The following FANK1 variants were observed in gnomAD, a reference collection of about 807,000 sequenced individuals.
FANK1 encodes the protein fibronectin type III and ankyrin repeat domains 1.
A neutral mutation model predicts 45.3 loss-of-function variants in FANK1; 44 were observed. The ratio of observed to expected loss-of-function variants is 0.97; its 90% CI spans 0.76 to 1.25. The LOEUF (loss-of-function observed/expected upper bound fraction) is 1.25, where lower values mean the gene tolerates loss of function less well. Among genes scored for constraint, FANK1 ranks in the 50% most tolerant of loss-of-function variants. The pLI, the probability that FANK1 is intolerant of heterozygous loss-of-function variation, is 0.00. For synonymous variants in FANK1, 149 were observed against 152.5 expected (o/e 0.98, Z 0.17); for missense variants, 391 against 424.4 (o/e 0.92, Z 0.69).
At chr10:126,005,201 G>T (rs1181983674) in intron 7 of FANK1, 152 bp downstream of exon 7, 3 of 812,284 alleles carry the variant, frequency 3.7e-6, no homozygotes, top group African/African-American at 1.7e-5. Context: ...TGAAACCTTA[G>T]AATGGACATG....
chr10:125,963,127 G>T (rs1175463599), intron 1 of FANK1, among the ~76,000 whole-genome samples: 1 of 152,060 alleles, frequency 6.6e-6, no homozygotes, highest in Non-Finnish European at 1.5e-5. Flanking sequence ...GGGATTACAG[G>T]TGCCCACCAC....
At chr10:125,986,151 T>C (rs1414248789) in intron 2 of FANK1, among the ~76,000 whole-genome samples, 3 of 152,122 alleles carry the variant, frequency 2.0e-5, no homozygotes, top group Non-Finnish European at 4.4e-5. Context: ...TTGGCTTCTT[T>C]TAGGTGAAGA....
chr10:125,975,964 C>T (rs530187047), intron 1 of FANK1, among the ~76,000 whole-genome samples: 28 of 152,204 alleles, frequency 1.8e-4, no homozygotes, highest in African/African-American at 5.3e-4. Context: ...CAGCTGGTAG[C>T]GGTCTTTCCT....
chr10:125,899,381 A>G (rs1944853913), intron 1 of FANK1, among the ~76,000 whole-genome samples: 1 of 151,738 alleles, frequency 6.6e-6, no homozygotes. Context: ...TTTTAATTTT[A>G]TTTACTTTGA....
chr10:125,957,513 C>G (rs1215009283), intron 1 of FANK1, among the ~76,000 whole-genome samples: 1 of 151,752 alleles, frequency 6.6e-6, no homozygotes, highest in Non-Finnish European at 1.5e-5. Flanking sequence ...TTATGTTAAG[C>G]TTTTATTTTG....
chr10:125,996,543 T>C lies in FANK1; in HGVS notation c.399-7T>C, dbSNP rs1277764644. The C allele has an allele frequency of 3.7e-6, 6 of 1,614,042 alleles. No homozygotes were observed. The highest frequency in any genetic ancestry group is 5.1e-6 in the Non-Finnish European group (6 of 1,179,948). On this transcript the variant is annotated splice_polypyrimidine_tract_variant and splice_region_variant and intron_variant, in intron 4 of 10. Transcript: ENST00000368693. The stretch of plus-strand genomic sequence containing the variant: ...CATGTTTATCTCTTTTCTCTGCTTT[T>C]CCCAAGCCGTGTTAAGGTTGATGTT...
At chr10:125,938,088 G>A (rs183141894) in intron 1 of FANK1, among the ~76,000 whole-genome samples, 49 of 152,274 alleles carry the variant, frequency 3.2e-4, no homozygotes, top group Non-Finnish European at 6.6e-4. Context: ...GACACAGACC[G>A]TAAAGGCCTA....
intron 1 of FANK1, among the ~76,000 whole-genome samples, chr10:125,917,639 G>A (rs1161367221): frequency 6.6e-6 from 1 of 152,162 alleles, no homozygotes; most frequent in African/African-American, 2.4e-5. Flanking sequence ...CTTATATTAA[G>A]TAAATGTGTA....
At chr10:126,005,106 C>T in intron 7 of FANK1, 57 bp downstream of exon 7, 1 of 1,556,194 alleles carries the variant, frequency 6.4e-7, no homozygotes, top group Non-Finnish European at 8.7e-7. Context: ...AAATGCTGCT[C>T]CATGGGGTCT....
intron 3 of FANK1, among the ~76,000 whole-genome samples, chr10:125,992,836 T>A (rs1000345543): frequency 6.6e-6 from 1 of 151,904 alleles, no homozygotes; most frequent in Non-Finnish European, 1.5e-5. Flanking sequence ...AGTTAGCACG[T>A]TTTGGAAGAT....
At chr10:125,978,556 A>G (rs1478177803) in intron 1 of FANK1, among the ~76,000 whole-genome samples, 1 of 152,082 alleles carries the variant, frequency 6.6e-6, no homozygotes, top group African/African-American at 2.4e-5. Flanking sequence ...GGTCCTGCCC[A>G]GTGAGGGAAC....
intron 1 of FANK1, among the ~76,000 whole-genome samples, chr10:125,937,688 G>T (rs1315132704): frequency 1.3e-5 from 2 of 152,034 alleles, no homozygotes; most frequent in Non-Finnish European, 2.9e-5. Flanking sequence ...ACTGCAAAAG[G>T]TATAGCTAGA....
intron 2 of FANK1, among the ~76,000 whole-genome samples, chr10:125,986,670 A>C (rs1362559223): frequency 6.6e-6 from 1 of 152,130 alleles, no homozygotes; most frequent in Non-Finnish European, 1.5e-5. Context: ...CCTGTCTGTC[A>C]TGGAAGTCCT....
intron 1 of FANK1, among the ~76,000 whole-genome samples, chr10:125,932,042 T>C (rs572901154): frequency 1.8e-4 from 27 of 152,316 alleles, no homozygotes; most frequent in Non-Finnish European, 3.5e-4. Flanking sequence ...TTCTCTATTC[T>C]GTTTCATTGT....
chr10:125,948,891 C>A (rs796746418), intron 1 of FANK1, among the ~76,000 whole-genome samples: 68 of 148,408 alleles, frequency 4.6e-4, no homozygotes, highest in South Asian at 1.4e-3. Context: ...CAAAACGAAT[C>A]CAGCAGCACA....
chr10:125,915,401 C>A (rs1589831058), intron 1 of FANK1, among the ~76,000 whole-genome samples: 1 of 151,880 alleles, frequency 6.6e-6, no homozygotes, highest in African/African-American at 2.4e-5. Context: ...GTGGCTTTGC[C>A]ACATGGAGAA....
At chr10:125,991,185 G>A (rs73370582) in intron 3 of FANK1, among the ~76,000 whole-genome samples, 1,543 of 152,190 alleles carry the variant, frequency 0.01, 25 homozygotes, top group African/African-American at 0.033. Flanking sequence ...TCCTTACAGC[G>A]CCATGGCTTC....
At chr10:125,940,299 G>A (rs1280026379) in intron 1 of FANK1, among the ~76,000 whole-genome samples, 1 of 152,148 alleles carries the variant, frequency 6.6e-6, no homozygotes, top group African/African-American at 2.4e-5. Flanking sequence ...GAGGAATGTG[G>A]CAGGAGAACA....
intron 1 of FANK1, 53 bp from the exon 2 acceptor site, chr10:125,980,108 T>C (rs1951103340): frequency 3.2e-6 from 5 of 1,573,290 alleles, no homozygotes; most frequent in African/African-American, 1.4e-5. Context: ...TCGACTGGTC[T>C]CTCTTCCTTA....
Sources: gnomAD v4.1 joint callset for allele counts (sites outside exome capture counted in the v4.1 genomes callset) on GRCh38, gnomAD v4.1.1 for gene constraint, MANE v1.5 for transcripts, NCBI Gene and HGNC (gene_info 2026-07-23, HGNC 2026-07-21) for gene names.